The following MFHAS1 variants were observed in gnomAD, a reference collection of about 807,000 sequenced individuals.
MFHAS1 encodes the protein multifunctional ROCO family signaling regulator 1.
MFHAS1 carries 50 observed loss-of-function variants against 70.4 expected under a neutral mutation model. The ratio of observed to expected loss-of-function variants is 0.71; its 90% CI spans 0.57 to 0.90. The LOEUF (loss-of-function observed/expected upper bound fraction) is 0.90. Among genes scored for constraint, MFHAS1 ranks in the 40% least tolerant of loss-of-function variants. The probability of loss-of-function intolerance (pLI) is 0.00; values close to 1 mark genes in which losing one functional copy is unlikely to be tolerated. For missense variants in MFHAS1, 1,795 were observed against 1,347.6 expected, an observed-to-expected ratio of 1.33 and a Z score of -5.20; for synonymous variants, 952 against 620.0, an observed-to-expected ratio of 1.54 and a Z score of -7.96.
At chr8:8,886,316 C>T (rs887043025) in intron 1 of MFHAS1, among the ~76,000 whole-genome samples, 2 of 151,926 alleles carry the variant, frequency 1.3e-5, no homozygotes, top group Non-Finnish European at 2.9e-5. Context: ...CAAGTGTGCA[C>T]GCTTAGCTGA....
At chr8:8,848,681 T>G (rs1252092993) in intron 1 of MFHAS1, among the ~76,000 whole-genome samples, 1 of 152,214 alleles carries the variant, frequency 6.6e-6, no homozygotes, top group Non-Finnish European at 1.5e-5. Flanking sequence ...AATTGAGTAC[T>G]CAATAGAGAA....
Position 8,799,207 on chromosome 8 carries a change from T to C in MFHAS1, c.2999-1716A>G, listed in dbSNP as rs182035886. Among the ~76,000 whole-genome samples the C allele has an allele frequency of 1.2e-4, 19 of 152,306 alleles. No individual in the cohort carries two copies. The East Asian group carries it at 2.7e-3, about 22-fold the overall frequency. On this transcript the variant is annotated intron_variant, in intron 1 of 2. Coordinates refer to ENST00000276282, the MANE Select transcript of MFHAS1 (RefSeq NM_004225.3). ...GACTATGTTTTTGCCTATAAGTAGA[T>C]ACCTATGATAAAGTTTAATTTATAA... is the stretch of plus-strand genomic sequence containing the variant.
chr8:8,789,440 G>T (rs1805655790), intron 2 of MFHAS1, among the ~76,000 whole-genome samples: 1 of 152,134 alleles, frequency 6.6e-6, no homozygotes, highest in Non-Finnish European at 1.5e-5. Flanking sequence ...TGAGACATTG[G>T]AAACAGAGGT....
At chr8:8,802,608 A>G (rs1463821972) in intron 1 of MFHAS1, among the ~76,000 whole-genome samples, 1 of 152,172 alleles carries the variant, frequency 6.6e-6, no homozygotes, top group African/African-American at 2.4e-5. Flanking sequence ...TAAGCTACCC[A>G]GTTACAAGGA....
At position 8,892,284 on chromosome 8, in the gene MFHAS1, T is replaced by C. The variant is rs377655152; in HGVS notation, c.775A>G (p.Asn259Asp). The C allele has an allele frequency of 6.2e-7, 1 of 1,611,912 alleles. No homozygotes were observed. Among genetic ancestry groups the C allele is most frequent in the South Asian group, 1.1e-5 (1 of 91,054 alleles). ...LASLESLMLD[N>D]NGLQALPAQF... Reference sequence around the variant, plus strand: ...GCGGGCAGAGCCTGCAGCCCGTTGTTGTCTAGCATGAGGCTCTCCAAACTG... The same window carrying C: ...GCGGGCAGAGCCTGCAGCCCGTTGTCGTCTAGCATGAGGCTCTCCAAACTG... Residue 259 changes from asparagine to aspartate, a missense_variant, in exon 1 of 3, where the codon AAC (asparagine) becomes GAC (aspartate). Physicochemically the swap from Asn to Asp is conservative, Grantham distance 23. Transcript: ENST00000276282. The surrounding 1 kb of genome is among the most constrained non-coding windows in gnomAD (Gnocchi z 4.7).
At chr8:8,830,528 C>A (rs1309205443) in intron 1 of MFHAS1, among the ~76,000 whole-genome samples, 1 of 152,030 alleles carries the variant, frequency 6.6e-6, no homozygotes, top group Non-Finnish European at 1.5e-5. Context: ...GTTCTCTGGA[C>A]CAATTTTCTA....
At position 8,893,051 on chromosome 8, in the gene MFHAS1, C is replaced by A; in HGVS notation, c.8G>T (p.Gly3Val). The A allele has an allele frequency of 6.7e-7, 1 of 1,500,694 alleles. No individual in the cohort carries two copies. Among genetic ancestry groups the A allele is most frequent in the Non-Finnish European group, 8.8e-7 (1 of 1,132,230 alleles). 93.0% of individuals were successfully genotyped at this position (1,500,694 alleles called of 1,614,324 possible). A position where few individuals can be genotyped will look rare whatever the true frequency, so the allele number is the denominator to read the frequency against. ...GGTCTTCAGGTTGCCACTGTCCATC[C>A]CAGCCATGGCGGGGCCCCGGGCCGA... Reference protein sequence around the residue: MAGMDSGNLKTAR... With the variant: MAVMDSGNLKTAR... The change falls in exon 1 of 3, where the codon GGG becomes GTG. Residue 3 changes from glycine (G) to valine (V), a missense_variant. Physicochemically the swap from Gly to Val is moderately radical, Grantham distance 109. Transcript: ENST00000276282.
At chr8:8,883,600 C>T (rs927635900) in intron 1 of MFHAS1, among the ~76,000 whole-genome samples, 4 of 148,276 alleles carry the variant, frequency 2.7e-5, no homozygotes, top group African/African-American at 7.5e-5. Flanking sequence ...CCCAGCTACT[C>T]GGGAGGCTGA....
intron 1 of MFHAS1, among the ~76,000 whole-genome samples, chr8:8,818,104 T>C (rs1277673526): frequency 6.6e-6 from 1 of 152,212 alleles, no homozygotes; most frequent in Non-Finnish European, 1.5e-5. Context: ...CAGAATGTTC[T>C]AAGTTAGGTG....
At position 8,892,471 on chromosome 8, in the gene MFHAS1, G is replaced by T. The variant is rs377473219; in HGVS notation, c.588C>A (p.Phe196Leu). 4 of 1,608,154 alleles carry T rather than the reference G, an allele frequency of 2.5e-6. No individual in the cohort carries two copies. The highest frequency in any genetic ancestry group is 3.4e-6 in the Non-Finnish European group (4 of 1,177,358). ...CCACCAGCTGCAGCAGCTGCCGGGG[G>T]AAGGCAGTGAGCTGGTTGTGATCCA... Reference protein sequence around the residue: ...LDVDHNQLTAFPRQLLQLVAL... With the variant: ...LDVDHNQLTALPRQLLQLVAL... Residue 196 changes from phenylalanine (F) to leucine (L), a missense_variant, in exon 1 of 3, where the codon TTC becomes TTA. Physicochemically the swap from Phe to Leu is conservative, Grantham distance 22. Coordinates refer to ENST00000276282, the MANE Select transcript of MFHAS1 (RefSeq NM_004225.3). This position sits in a 1 kb window ranked among gnomAD's most constrained non-coding sequence, Gnocchi z 4.7.
chr8:8,795,361 A>T (rs1379560358), intron 2 of MFHAS1, among the ~76,000 whole-genome samples: 1 of 152,236 alleles, frequency 6.6e-6, no homozygotes, highest in Non-Finnish European at 1.5e-5. Flanking sequence ...AGGACAGGGG[A>T]TATTCAGGTT....
chr8:8,798,603 C>T (rs2117260649), intron 1 of MFHAS1, among the ~76,000 whole-genome samples: 1 of 152,312 alleles, frequency 6.6e-6, no homozygotes, highest in African/African-American at 2.4e-5. Flanking sequence ...TCCCAAAGTG[C>T]TGGGATTACA....
intron 1 of MFHAS1, among the ~76,000 whole-genome samples, chr8:8,871,672 T>C (rs1236586424): frequency 6.6e-6 from 1 of 152,200 alleles, no homozygotes; most frequent in African/African-American, 2.4e-5. Context: ...TTTTTACCTA[T>C]TTACAGACGA....
intron 1 of MFHAS1, among the ~76,000 whole-genome samples, chr8:8,870,760 C>G (rs2116908278): frequency 6.6e-6 from 1 of 152,330 alleles, no homozygotes; most frequent in South Asian, 2.1e-4. Context: ...ACTGTCCACA[C>G]TGCTTCCCTG....
At chr8:8,821,586 G>A (rs1806959182) in intron 1 of MFHAS1, among the ~76,000 whole-genome samples, 1 of 151,812 alleles carries the variant, frequency 6.6e-6, no homozygotes. Context: ...GGTGGGGGGT[G>A]CTTTTTAAAT....
rs74731848 is a variant in MFHAS1, at chr8:8,791,712, G to A, written c.3125+5653C>T. On this transcript the variant is annotated intron_variant, in intron 2 of 2. Transcript: ENST00000276282. ...TCTACTTGCTTCCTACCTTGCCCACGGGAAGTATAGGTTTGCCCTATCTTT... is the reference window on the plus strand; with the variant it reads ...TCTACTTGCTTCCTACCTTGCCCACAGGAAGTATAGGTTTGCCCTATCTTT... Among the ~76,000 whole-genome samples the A allele has an allele frequency of 8.9e-3, 1,352 of 152,252 alleles. 21 individuals are homozygous for A. Among genetic ancestry groups the A allele is most frequent in the South Asian group, 0.074 (357 of 4,826 alleles).
intron 1 of MFHAS1, among the ~76,000 whole-genome samples, chr8:8,889,529 A>G (rs886504058): frequency 2.6e-5 from 4 of 152,238 alleles, no homozygotes; most frequent in Admixed American, 2.6e-4. Context: ...GCATTTTACA[A>G]TCTGATTTCT....
intron 1 of MFHAS1, among the ~76,000 whole-genome samples, chr8:8,800,202 T>G (rs1325591199): frequency 6.6e-6 from 1 of 152,190 alleles, no homozygotes; most frequent in African/African-American, 2.4e-5. Context: ...TCGCACAATA[T>G]TAAGTGAATG....
intron 1 of MFHAS1, among the ~76,000 whole-genome samples, chr8:8,867,650 CG>C (rs1808913036): frequency 6.6e-6 from 1 of 151,826 alleles, no homozygotes; most frequent in Admixed American, 6.6e-5. Flanking sequence ...CTCCGCCTCC[CG>C]GGTTCATGCC....
Sources: gnomAD v4.1 joint callset for allele counts (sites outside exome capture counted in the v4.1 genomes callset) on GRCh38, gnomAD v4.1.1 for gene constraint, Gnocchi (gnomAD v3.1) non-coding constraint, MANE v1.5 for transcripts, NCBI Gene and HGNC (gene_info 2026-07-23, HGNC 2026-07-21) for gene names.